The following NPEPL1 variants were observed in gnomAD, a reference collection of about 807,000 sequenced individuals.
NPEPL1 encodes probable aminopeptidase NPEPL1.
Under a neutral mutation model 52.4 loss-of-function variants are expected in NPEPL1, and 45 were observed. That is an observed-to-expected ratio of 0.86 (90% confidence interval 0.68 to 1.10). NPEPL1 has a LOEUF of 1.10. Ranked by LOEUF, NPEPL1 falls within the 50% of genes least tolerant of loss-of-function variation. The pLI is 0.00. For missense variants in NPEPL1, 696 were observed against 710.9 expected (o/e 0.98, Z 0.24); for synonymous variants, 360 against 314.7 (o/e 1.14, Z -1.52).
upstream of NPEPL1, chr20:58,691,271 A>G (rs2084337792): frequency 1.5e-6 from 1 of 662,886 alleles, no homozygotes; most frequent in Non-Finnish European, 2.7e-6. Flanking sequence ...AGCTGCTGTA[A>G]AATCTTTTGA....
upstream of NPEPL1, among the ~76,000 whole-genome samples, chr20:58,689,798 C>G (rs113278711): frequency 0.017 from 2,486 of 149,334 alleles, 57 homozygotes; most frequent in African/African-American, 0.06. Flanking sequence ...CCTGGCCACA[C>G]ACACATATGC....
chr20:58,693,310 CGGCG>C (rs1223944542), intron 1 of NPEPL1: 2 of 166,148 alleles, frequency 1.2e-5, no homozygotes, highest in African/African-American at 4.8e-5. Context: ...CACCTGCGGA[CGGCG>C]GGGGGGGAGA....
At chr20:58,704,723 C>T (rs1162197452) in intron 6 of NPEPL1, among the ~76,000 whole-genome samples, 2 of 152,208 alleles carry the variant, frequency 1.3e-5, no homozygotes, top group Non-Finnish European at 1.5e-5. Context: ...TCTGGCCTCA[C>T]GCATTTTATA....
Position 58,713,472 on chromosome 20 carries a change from G to A in NPEPL1, c.1054G>A (p.Gly352Ser), listed in dbSNP as rs1330114615. The change falls in exon 9 of 12, where the codon GGC becomes AGC. Residue 352 changes from glycine to serine, a missense_variant. By Grantham distance (56) the Gly-to-Ser change is moderately conservative (BLOSUM62 0). Transcript: ENST00000356091. The surrounding 1 kb of genome is among the most constrained non-coding windows in gnomAD (Gnocchi z 4.6). ...DAEGRLVLAD[G>S]VSYACKDLGA... ...CGAGGGCAGGCTGGTGCTGGCAGAT[G>A]GCGTGTCCTATGCTTGCAAGGACCT... The A allele has an allele frequency of 6.2e-7, 1 of 1,611,194 alleles. No individual in the cohort carries two copies. Among genetic ancestry groups the A allele is most frequent in the Non-Finnish European group, 8.5e-7 (1 of 1,179,018 alleles).
chr20:58,697,415 A>T (rs1337648975), intron 3 of NPEPL1, among the ~76,000 whole-genome samples: 1 of 152,260 alleles, frequency 6.6e-6, no homozygotes, highest in African/African-American at 2.4e-5. Context: ...ACAGACAGAG[A>T]ACCCGCTGAC....
Position 58,692,886 on chromosome 20 carries a change from T to G in NPEPL1, c.-15T>G, listed in dbSNP as rs6092682. On this transcript the variant is annotated 5_prime_UTR_variant, in exon 1 of 12. Transcript: ENST00000356091. This position sits in a 1 kb window ranked among gnomAD's most constrained non-coding sequence, Gnocchi z 5.7. The stretch of plus-strand genomic sequence containing the variant: ...GGCCGGGCCGGGCAGGGCCGGGGCG[T>G]GGGCCGGCAGGAAGATGGCGAACGT... 2 of 1,033,168 alleles carry G rather than the reference T, an allele frequency of 1.9e-6. No homozygotes were observed. Among genetic ancestry groups the G allele is most frequent in the Non-Finnish European group, 2.3e-6 (2 of 860,308 alleles). 64.0% of individuals were successfully genotyped at this position (1,033,168 alleles called of 1,614,324 possible).
chr20:58,691,937 C>A, upstream of NPEPL1: 1 of 774,658 alleles, frequency 1.3e-6, no homozygotes, highest in South Asian at 1.5e-5. Context: ...CCGCCTCCAC[C>A]ATCCACTCAA....
Position 58,714,125 on chromosome 20 carries a change from C to A in NPEPL1, c.1302+32C>A, listed in dbSNP as rs2084909769. 6 of 1,521,978 alleles carry A rather than the reference C, an allele frequency of 3.9e-6. No homozygotes were observed. The South Asian group carries it at 6.3e-5, about 16-fold the overall frequency. The allele number at this position is 1,521,978 out of a possible 1,614,324, so 94.3% of individuals were successfully genotyped here. A position where few individuals can be genotyped will look rare whatever the true frequency, so the allele number is the denominator to read the frequency against. On this transcript the variant is annotated intron_variant, in intron 10 of 11. Transcript: ENST00000356091. Reference sequence around the variant, plus strand: ...TTGGAGCCTCGAACCTGGAGCCTGCCACATGGGTGGAGCCGGGCAGGCGGA... The same window carrying A: ...TTGGAGCCTCGAACCTGGAGCCTGCAACATGGGTGGAGCCGGGCAGGCGGA...
rs2084899348 is a variant in NPEPL1 at position 58,713,596 on chromosome 20, C to A, written c.1125+53C>A. On this transcript the variant is annotated intron_variant, in intron 9 of 11. Coordinates refer to ENST00000356091, the MANE Select transcript of NPEPL1 (RefSeq NM_024663.4). This position sits in a 1 kb window ranked among gnomAD's most constrained non-coding sequence, Gnocchi z 4.6. ...GCTGTAGTCCCAGGGAACCCCACCC[C>A]ACTCTTGACCTCAAGGTGGGGAAGG... 1 of 1,512,928 alleles carries A rather than the reference C, an allele frequency of 6.6e-7. No homozygotes were observed. The allele number at this position is 1,512,928 out of a possible 1,614,324, so 93.7% of individuals were successfully genotyped here.
intron 7 of NPEPL1, among the ~76,000 whole-genome samples, chr20:58,711,801 T>G (rs901351401): frequency 6.6e-6 from 1 of 152,238 alleles, no homozygotes; most frequent in Admixed American, 6.5e-5. Flanking sequence ...CTGGATCCTA[T>G]AGAGCTGTGT....
At chr20:58,693,956 C>T (rs1235316193) in intron 2 of NPEPL1, 34 bp downstream of exon 2, 2 of 1,521,418 alleles carry the variant, frequency 1.3e-6, no homozygotes, top group Non-Finnish European at 1.8e-6. Context: ...CCACGGTGCT[C>T]CTAGTCGGGC....
intron 7 of NPEPL1, 115 bp downstream of exon 7, chr20:58,707,315 C>T: frequency 1.0e-6 from 1 of 971,750 alleles, no homozygotes; most frequent in South Asian, 1.7e-5. Flanking sequence ...CGAGTCTCCC[C>T]AGCGGATGCT....
chr20:58,710,570 T>C (rs1160460102), intron 7 of NPEPL1, among the ~76,000 whole-genome samples: 2 of 151,470 alleles, frequency 1.3e-5, no homozygotes, highest in Non-Finnish European at 2.9e-5. Flanking sequence ...GCCCAAGCCC[T>C]GGCGTAGCAC....
At position 58,715,284 on chromosome 20, in the gene NPEPL1, G is replaced by A. The variant is rs761541798; in HGVS notation, c.1530G>A (p.Glu510=). 1 of 1,611,332 alleles carries A rather than the reference G, an allele frequency of 6.2e-7. No individual in the cohort carries two copies. Among genetic ancestry groups the A allele is most frequent in the Non-Finnish European group, 8.5e-7 (1 of 1,179,230 alleles). ...SPLGCEVDVE[E]GDLGRDSKRR... is the part of the protein sequence containing the mutation. Reference sequence around the variant, plus strand: ...TGGGCTGTGAGGTGGATGTCGAGGAGGGGGACCTGGGGAGGGACTCCAAGA... The same window carrying A: ...TGGGCTGTGAGGTGGATGTCGAGGAAGGGGACCTGGGGAGGGACTCCAAGA... Residue 510 remains glutamate (E), a synonymous_variant, in exon 12 of 12, where the codon GAG becomes GAA. Coordinates refer to ENST00000356091, the MANE Select transcript of NPEPL1 (RefSeq NM_024663.4).
At position 58,713,803 on chromosome 20, in the gene NPEPL1, C is replaced by G; in HGVS notation, c.1126-114C>G. 1 of 1,236,062 alleles carries G rather than the reference C, an allele frequency of 8.1e-7. No individual in the cohort carries two copies. The highest frequency in any genetic ancestry group is 1.1e-6 in the Non-Finnish European group (1 of 935,740). 76.6% of individuals were successfully genotyped at this position (1,236,062 alleles called of 1,614,324 possible). A position where few individuals can be genotyped will look rare whatever the true frequency, so the allele number is the denominator to read the frequency against. On this transcript the variant is annotated intron_variant, in intron 9 of 11. Transcript: ENST00000356091. The surrounding 1 kb of genome is among the most constrained non-coding windows in gnomAD (Gnocchi z 4.6). ...CCTGTGTTTTTTCTTTTTTTCTCAA[C>G]CGTCTCTTTTCTGGCTCCCTTATTT...
chr20:58,701,931 C>T (rs766385573), intron 6 of NPEPL1, among the ~76,000 whole-genome samples: 3 of 152,180 alleles, frequency 2.0e-5, no homozygotes, highest in South Asian at 2.1e-4. Context: ...CGAGTCTGCC[C>T]GCCCCAGCAA....
intron 2 of NPEPL1, 109 bp from the exon 3 acceptor site, chr20:58,694,313 G>T (rs1405659281): frequency 4.3e-6 from 5 of 1,171,326 alleles, no homozygotes; most frequent in Non-Finnish European, 4.8e-6. Context: ...TCTCTGTCTA[G>T]ATGTCACCTG....
rs1267804032 is a variant in NPEPL1, at chr20:58,700,204, C to T, written c.680-812C>T. ...TCCCATCTTTTTCTGTGACCTAATC[C>T]CAGGAGTGATATCTCATCACTTCTA... On this transcript the variant is annotated intron_variant, in intron 5 of 11. Transcript: ENST00000356091. 2.6e-5 allele frequency among the ~76,000 whole-genome samples: 4 copies of T among 152,312 alleles called. No homozygotes were observed. In the South Asian group the frequency reaches 6.2e-4, roughly 24 times the overall value.
chr20:58,698,602 C>A (rs2123100115), intron 3 of NPEPL1, 82 bp from the exon 4 acceptor site: 1 of 1,125,650 alleles, frequency 8.9e-7, no homozygotes, highest in Non-Finnish European at 1.3e-6. Flanking sequence ...TTTGCCTCTG[C>A]TGCCTTTTGT....
Sources: gnomAD v4.1 joint callset for allele counts (sites outside exome capture counted in the v4.1 genomes callset) on GRCh38, gnomAD v4.1.1 for gene constraint, Gnocchi (gnomAD v3.1) non-coding constraint, MANE v1.5 for transcripts, NCBI Gene and HGNC (gene_info 2026-07-23, HGNC 2026-07-21) for gene names.